Variants in TBC1D5 observed in about 807,000 individuals in gnomAD.
The protein encoded by TBC1D5 is TBC1 domain family member 5.
Under a neutral mutation model 100.3 loss-of-function variants are expected in TBC1D5, and 75 were observed. The ratio of observed to expected loss-of-function variants is 0.75; its 90% confidence interval spans 0.62 to 0.91. The LOEUF is 0.91. Ranked by LOEUF, TBC1D5 falls within the 40% of genes least tolerant of loss-of-function variation. The pLI is 0.00. For missense variants in TBC1D5, 910 were observed against 942.4 expected, an observed-to-expected ratio of 0.97 and a Z score of 0.45; for synonymous variants, 323 against 325.6, an observed-to-expected ratio of 0.99 and a Z score of 0.09.
chr3:17,584,091 G>A (rs1184294543), intron 2 of TBC1D5, among the ~76,000 whole-genome samples: 3 of 152,106 alleles, frequency 2.0e-5, no homozygotes, highest in Non-Finnish European at 4.4e-5. Context: ...CCCACAAAAC[G>A]TCACATATTT....
intron 13 of TBC1D5, among the ~76,000 whole-genome samples, chr3:17,354,556 C>T (rs1008887968): frequency 6.6e-6 from 1 of 151,892 alleles, no homozygotes; most frequent in Non-Finnish European, 1.5e-5. Context: ...AAATTACCTC[C>T]GAGTTGGTAT....
At chr3:17,316,335 A>G (rs1398728859) in intron 13 of TBC1D5, among the ~76,000 whole-genome samples, 1 of 152,226 alleles carries the variant, frequency 6.6e-6, no homozygotes, top group Non-Finnish European at 1.5e-5. Context: ...GAAGTATAAA[A>G]CAGTGAAACT....
chr3:17,173,071 C>G (rs1480968602), intron 19 of TBC1D5, among the ~76,000 whole-genome samples: 2 of 152,134 alleles, frequency 1.3e-5, no homozygotes, highest in Non-Finnish European at 2.9e-5. Flanking sequence ...AGCTCCGCAC[C>G]CAGTCGTTTC....
At chr3:17,320,349 T>TA (rs1448373785) in intron 13 of TBC1D5, among the ~76,000 whole-genome samples, 2 of 152,224 alleles carry the variant, frequency 1.3e-5, no homozygotes, top group African/African-American at 4.8e-5. Context: ...CACTCATACC[T>TA]ACTAAATCAG....
At chr3:17,162,150 G>T (rs1002659573) in intron 21 of TBC1D5, among the ~76,000 whole-genome samples, 1 of 152,220 alleles carries the variant, frequency 6.6e-6, no homozygotes, top group African/African-American at 2.4e-5. Context: ...GGTGCTGTAA[G>T]GTGATGTAGT....
intron 2 of TBC1D5, among the ~76,000 whole-genome samples, chr3:17,544,650 G>GGAAAAAAAAAAAA (rs1241247818): frequency 9.3e-5 from 8 of 86,254 alleles, no homozygotes; most frequent in African/African-American, 3.0e-4. Flanking sequence ...GACTCCGTCT[G>GGAAAAAAAAAAAA]AAAAAAAAAA....
chr3:17,461,202 G>C (rs2095201750), intron 3 of TBC1D5, among the ~76,000 whole-genome samples: 1 of 152,150 alleles, frequency 6.6e-6, no homozygotes, highest in South Asian at 2.1e-4. Context: ...TAATATGAAT[G>C]CAATAATGCA....
chr3:17,475,953 C>A (rs773442459), intron 3 of TBC1D5, among the ~76,000 whole-genome samples: 2 of 152,060 alleles, frequency 1.3e-5, no homozygotes, highest in Non-Finnish European at 2.9e-5. Flanking sequence ...TAGAGGTTAT[C>A]ATATGTTATC....
At chr3:17,615,881 A>G (rs764014964) in intron 2 of TBC1D5, among the ~76,000 whole-genome samples, 16 of 149,320 alleles carry the variant, frequency 1.1e-4, no homozygotes, top group Non-Finnish European at 2.1e-4. Context: ...TTGTGTCTCT[A>G]TCTCCTTCAG....
chr3:17,616,525 GTC>G (rs2062168351), intron 2 of TBC1D5, among the ~76,000 whole-genome samples: 1 of 152,124 alleles, frequency 6.6e-6, no homozygotes, highest in African/African-American at 2.4e-5. Context: ...GGGAGTCTAA[GTC>G]TCTTTGTAGG....
At chr3:17,196,213 C>A (rs1270676153) in intron 18 of TBC1D5, among the ~76,000 whole-genome samples, 1 of 152,210 alleles carries the variant, frequency 6.6e-6, no homozygotes, top group Non-Finnish European at 1.5e-5. Context: ...CCCTCCATCT[C>A]AAGATGCTGC....
rs146239069 is a variant in TBC1D5 at position 17,388,385 on chromosome 3, G to T, written c.510-4370C>A. Among the ~76,000 whole-genome samples, 1,510 of 152,040 alleles carry T rather than the reference G, an allele frequency of 9.9e-3. 28 individuals carry two copies. Among genetic ancestry groups the T allele is most frequent in the African/African-American group, 0.034 (1,413 of 41,488 alleles). On this transcript the variant is annotated intron_variant, in intron 8 of 21. Transcript: ENST00000253692. ...AAATTCAAACATTTAATAAAGACAA[G>T]ACAACAGTAAACTGAACCCCAATCT... is the stretch of plus-strand genomic sequence containing the variant.
chr3:17,307,690 T>C (rs531614527), intron 14 of TBC1D5, among the ~76,000 whole-genome samples: 36 of 152,326 alleles, frequency 2.4e-4, no homozygotes, highest in Non-Finnish European at 4.1e-4. Flanking sequence ...TGCTTTTATA[T>C]ATGCATTTCA....
rs180895200 is a variant in TBC1D5, at chr3:17,730,340, T to C, written c.-101+9003A>G. ...GACTCTGTCTTCTTAGCCAACAAAA[T>C]ACAGCAGAAGTAATGCTCTATCAGT... On this transcript the variant is annotated intron_variant, in intron 1 of 21. Coordinates refer to ENST00000253692, the Ensembl canonical transcript of TBC1D5. Among the ~76,000 whole-genome samples the C allele has an allele frequency of 2.0e-3, 302 of 152,322 alleles. 2 individuals carry two copies. The highest frequency in any genetic ancestry group is 9.2e-3 in the Admixed American group (141 of 15,296).
At chr3:17,494,958 C>G (rs376263635) in intron 3 of TBC1D5, among the ~76,000 whole-genome samples, 2 of 152,234 alleles carry the variant, frequency 1.3e-5, no homozygotes, top group Admixed American at 6.5e-5. Context: ...GAAAAATACA[C>G]GATTTCCCAG....
chr3:17,326,171 C>T (rs982009526), intron 13 of TBC1D5, among the ~76,000 whole-genome samples: 1 of 152,138 alleles, frequency 6.6e-6, no homozygotes, highest in Non-Finnish European at 1.5e-5. Context: ...AATTTGTTCT[C>T]ATATTCAAAA....
At chr3:17,347,993 A>C (rs766619622) in intron 13 of TBC1D5, among the ~76,000 whole-genome samples, 3 of 128,290 alleles carry the variant, frequency 2.3e-5, no homozygotes, top group Non-Finnish European at 4.9e-5. Flanking sequence ...ACAGAGCGAG[A>C]CCCTGTCTCT....
At chr3:17,646,129 T>C (rs1310319324) in intron 1 of TBC1D5, among the ~76,000 whole-genome samples, 7 of 151,944 alleles carry the variant, frequency 4.6e-5, no homozygotes, top group Non-Finnish European at 8.8e-5. Flanking sequence ...AAGGGTAAAT[T>C]TGGATGCAGA....
intron 2 of TBC1D5, chr3:17,586,328 A>G (rs557189380): frequency 6.6e-6 from 1 of 152,288 alleles, no homozygotes; most frequent in African/African-American, 2.4e-5. Flanking sequence ...CTTAAAATGT[A>G]TATTTTGAAT....
Sources: allele counts gnomAD v4.1 joint callset (sites outside exome capture counted in the v4.1 genomes callset), GRCh38; gene constraint gnomAD v4.1.1; transcripts MANE v1.5; gene names NCBI Gene and HGNC (gene_info 2026-07-23, HGNC 2026-07-21).